Variants in NDST1 observed in about 807,000 individuals in gnomAD.
NDST1 encodes the protein N-deacetylase and N-sulfotransferase 1, also known as bifunctional heparan sulfate N-deacetylase/N-sulfotransferase 1.
NDST1 carries 35 observed loss-of-function variants against 92.8 expected under a neutral mutation model. The observed-to-expected ratio is 0.38, with a 90% confidence interval of 0.29 to 0.50. The LOEUF (loss-of-function observed/expected upper bound fraction) is 0.50. Among genes scored for constraint, NDST1 ranks in the 20% least tolerant of loss-of-function variants. NDST1 has a pLI of 0.94. For missense variants in NDST1, 822 were observed against 1,182.7 expected, an observed-to-expected ratio of 0.69 and a Z score of 4.47; for synonymous variants, 493 against 500.3, an observed-to-expected ratio of 0.99 and a Z score of 0.19.
In NDST1 at chr5:150,548,323, T is replaced by C; in HGVS notation, c.2251T>C (p.Cys751Arg). The stretch of plus-strand genomic sequence containing the variant: ...GAAGCTGCGTGCCCTCCAGAACCGC[T>C]GCCTGGTCCCTGGCTGGTACGCCAC... ...SSKLRALQNR[C>R]LVPGWYATHI... The change falls in exon 12 of 15, where the codon TGC (cysteine) becomes CGC (arginine). Residue 751 changes from cysteine to arginine, a missense_variant. Physicochemically the swap from Cys to Arg is radical, Grantham distance 180. Transcript: ENST00000261797. 6.2e-7 allele frequency: 1 copy of C among 1,614,070 alleles called. No individual in the cohort carries two copies. The highest frequency in any genetic ancestry group is 1.1e-5 in the South Asian group (1 of 91,082).
At chr5:150,535,467 C>A in intron 5 of NDST1, 1 of 900,906 alleles carries the variant, frequency 1.1e-6, no homozygotes, top group Non-Finnish European at 1.3e-6. Context: ...GTGCACCGGA[C>A]CAAGAGTCAG....
At chr5:150,544,013 C>T (rs1361748369) in intron 10 of NDST1, among the ~76,000 whole-genome samples, 3 of 152,176 alleles carry the variant, frequency 2.0e-5, no homozygotes, top group African/African-American at 7.2e-5. Flanking sequence ...CTCCTGACCT[C>T]GTGATCTGCC....
chr5:150,533,687 A>G (rs908844508), intron 4 of NDST1, among the ~76,000 whole-genome samples: 2 of 152,238 alleles, frequency 1.3e-5, no homozygotes, highest in African/African-American at 2.4e-5. Flanking sequence ...CATTTATTCA[A>G]TAATTCAGCA....
At chr5:150,551,668 A>G (rs1257139863) in intron 13 of NDST1, 85 bp from the exon 14 acceptor site, 3 of 1,535,232 alleles carry the variant, frequency 2.0e-6, no homozygotes, top group Admixed American at 1.9e-5. Flanking sequence ...GGTCTCTGCC[A>G]TTCCTGGGGT....
At chr5:150,511,326 C>A (rs1177146229) in intron 1 of NDST1, among the ~76,000 whole-genome samples, 1 of 152,204 alleles carries the variant, frequency 6.6e-6, no homozygotes, top group Non-Finnish European at 1.5e-5. Flanking sequence ...GGAAAGCTTT[C>A]AGTGAAGTTG....
At chr5:150,531,976 C>A (rs1396663225) in intron 3 of NDST1, among the ~76,000 whole-genome samples, 1 of 152,114 alleles carries the variant, frequency 6.6e-6, no homozygotes, top group Non-Finnish European at 1.5e-5. Flanking sequence ...AAGGGTATGG[C>A]CCTTTAAAGT....
intron 8 of NDST1, among the ~76,000 whole-genome samples, chr5:150,541,253 A>T (rs1405298094): frequency 6.6e-6 from 1 of 152,234 alleles, no homozygotes; most frequent in Admixed American, 6.5e-5. Context: ...TTACCAAAAG[A>T]TTAATTAAAC....
upstream of NDST1, among the ~76,000 whole-genome samples, chr5:150,505,720 T>G (rs956857357): frequency 1.3e-5 from 2 of 152,286 alleles, no homozygotes; most frequent in African/African-American, 4.8e-5. Flanking sequence ...CCAGCTTAGA[T>G]TTAGGAGGGT....
intron 3 of NDST1, among the ~76,000 whole-genome samples, chr5:150,531,718 T>G (rs755971905): frequency 4.5e-4 from 69 of 152,086 alleles, no homozygotes; most frequent in Non-Finnish European, 9.0e-4. Flanking sequence ...AGGCTGGTTT[T>G]GAACTCCTGA....
At chr5:150,507,043 G>A (rs1220126259), upstream of NDST1, among the ~76,000 whole-genome samples, 1 of 152,234 alleles carries the variant, frequency 6.6e-6, no homozygotes, top group Non-Finnish European at 1.5e-5. Context: ...GAGTGGGCTA[G>A]TCTTGGAGTG....
chr5:150,551,644 G>C, intron 13 of NDST1, 109 bp from the exon 14 acceptor site: 1 of 1,372,366 alleles, frequency 7.3e-7, no homozygotes, highest in Admixed American at 2.0e-5. Flanking sequence ...GGGTTCAAGA[G>C]CAGTAGATTC....
Position 150,521,316 on chromosome 5 carries a change from T to C in NDST1, c.62T>C (p.Phe21Ser). 6.2e-7 allele frequency: 1 copy of C among 1,613,308 alleles called. No homozygotes were observed. The highest frequency in any genetic ancestry group is 8.5e-7 in the Non-Finnish European group (1 of 1,179,912). Residue 21 changes from phenylalanine to serine, a missense_variant, in exon 2 of 15, where the codon TTC (phenylalanine) becomes TCC (serine). By Grantham distance (155) the Phe-to-Ser change is radical. Transcript: ENST00000261797. The surrounding 1 kb of genome is among the most constrained non-coding windows in gnomAD (Gnocchi z 5.9). The stretch of plus-strand genomic sequence containing the variant: ...CACGTGTCCCCGCAGGCTGTCCTTT[T>C]CCTGCTGTTCATCTTCTGCCTGTTC... ...CRHVSPQAVLFLLFIFCLFSV... is the reference protein window; with the variant it reads ...CRHVSPQAVLSLLFIFCLFSV...
At chr5:150,549,194 T>G (rs1755618590) in intron 12 of NDST1, among the ~76,000 whole-genome samples, 7 of 151,884 alleles carry the variant, frequency 4.6e-5, no homozygotes, top group Admixed American at 4.6e-4. Context: ...GTATTTTTAG[T>G]AGAGACGGGA....
chr5:150,542,459 C>T (rs1755288257), intron 9 of NDST1, among the ~76,000 whole-genome samples: 1 of 152,186 alleles, frequency 6.6e-6, no homozygotes, highest in East Asian at 1.9e-4. Context: ...CCCTGAGCTC[C>T]TACCAAGTGC....
At chr5:150,518,745 G>A (rs1754102178) in intron 1 of NDST1, 1 of 151,780 alleles carries the variant, frequency 6.6e-6, no homozygotes, top group African/African-American at 2.4e-5. Flanking sequence ...ATTGTAAATG[G>A]CTGCCTAGGA....
At position 150,557,572 on chromosome 5, in the gene NDST1, C is replaced by G. The variant is rs1280493230; in HGVS notation, c.*4240C>G. The G allele has an allele frequency of 6.6e-6, 1 of 152,298 alleles. No homozygotes were observed. The highest frequency in any genetic ancestry group is 1.5e-5 in the Non-Finnish European group (1 of 68,082). 9.4% of individuals were successfully genotyped at this position (152,298 alleles called of 1,614,324 possible). ...CCTCCCAGGCCCTCAGTTTCTTCAT[C>G]TGTAGAATGAGCAGATAGGGGCCAC... On this transcript the variant is annotated 3_prime_UTR_variant, in exon 15 of 15. Transcript: ENST00000261797. The surrounding 1 kb of genome is among the most constrained non-coding windows in gnomAD (Gnocchi z 4.7).
chr5:150,521,134 C>G lies in NDST1; in HGVS notation c.-121C>G, dbSNP rs746107098. The G allele has an allele frequency of 2.2e-6, 2 of 906,700 alleles. No individual in the cohort carries two copies. The highest frequency in any genetic ancestry group is 3.3e-6 in the Non-Finnish European group (2 of 604,538). The allele number at this position is 906,700 out of a possible 1,614,324, so 56.2% of individuals were successfully genotyped here. ...CACTCCCAGTGCCCCACAAGGGCGT[C>G]GCTTCCTAAGTCTCTGTGAATTTGT... is the stretch of plus-strand genomic sequence containing the variant. On this transcript the variant is annotated 5_prime_UTR_variant, in exon 2 of 15. Transcript: ENST00000261797. This position sits in a 1 kb window ranked among gnomAD's most constrained non-coding sequence, Gnocchi z 5.9.
chr5:150,507,182 A>C (rs1266899850), upstream of NDST1, among the ~76,000 whole-genome samples: 1 of 151,804 alleles, frequency 6.6e-6, no homozygotes, highest in African/African-American at 2.4e-5. Context: ...GGCTGGCAGG[A>C]CCCTTGGCCA....
chr5:150,542,955 C>G lies in NDST1; in HGVS notation c.1954C>G (p.His652Asp). Residue 652 changes from histidine to aspartate, a missense_variant, in exon 10 of 15, where the codon CAC becomes GAC. Transcript: ENST00000261797. The part of the protein sequence containing the change: ...EIQFFNGHNY[H>D]KGIDWYMEFF... ...CCAGTTTTTTAATGGCCACAACTAT[C>G]ACAAAGGCATCGACTGGTGAGTTGG... 1 of 1,614,144 alleles carries G rather than the reference C, an allele frequency of 6.2e-7. No homozygotes were observed. Among genetic ancestry groups the G allele is most frequent in the Non-Finnish European group, 8.5e-7 (1 of 1,179,972 alleles).
Sources: allele counts gnomAD v4.1 joint callset (sites outside exome capture counted in the v4.1 genomes callset), GRCh38; gene constraint gnomAD v4.1.1; non-coding constraint Gnocchi (gnomAD v3.1); transcripts MANE v1.5; gene names NCBI Gene and HGNC (gene_info 2026-07-23, HGNC 2026-07-21).